Variants in CDH3 observed in about 807,000 individuals in gnomAD.
CDH3 encodes the protein cadherin-3.
A neutral mutation model predicts 82.0 loss-of-function variants in CDH3; 54 were observed. The ratio of observed to expected loss-of-function variants is 0.66; its 90% CI spans 0.53 to 0.83. The LOEUF is 0.83. Among genes scored for constraint, CDH3 ranks in the 40% least tolerant of loss-of-function variants. The pLI is 0.00. For synonymous variants in CDH3, 446 were observed against 437.9 expected, an observed-to-expected ratio of 1.02 and a Z score of -0.23; for missense variants, 1,054 against 1,084.6, an observed-to-expected ratio of 0.97 and a Z score of 0.40.
chr16:68,673,335 G>A (rs552327584), intron 2 of CDH3, among the ~76,000 whole-genome samples: 9 of 152,242 alleles, frequency 5.9e-5, no homozygotes, highest in African/African-American at 2.2e-4. Flanking sequence ...GTAGCACTAA[G>A]TACATCCACA....
chr16:68,675,873 T>A (rs1405120950), intron 2 of CDH3, among the ~76,000 whole-genome samples: 1 of 151,864 alleles, frequency 6.6e-6, no homozygotes, highest in African/African-American at 2.4e-5. Flanking sequence ...GAAATTCACC[T>A]CCAGCTGGTG....
At chr16:68,680,277 A>G (rs547280765) in intron 7 of CDH3, among the ~76,000 whole-genome samples, 4 of 152,364 alleles carry the variant, frequency 2.6e-5, no homozygotes, top group African/African-American at 7.2e-5. Flanking sequence ...TAGTGTGCAC[A>G]TTACCCAAAT....
chr16:68,673,109 G>C (rs1404189039), intron 2 of CDH3, among the ~76,000 whole-genome samples: 1 of 152,126 alleles, frequency 6.6e-6, no homozygotes, highest in Non-Finnish European at 1.5e-5. Flanking sequence ...GTGCTGTTAT[G>C]AACATTATAA....
intron 2 of CDH3, among the ~76,000 whole-genome samples, chr16:68,659,498 C>T (rs1287687215): frequency 6.6e-6 from 1 of 151,710 alleles, no homozygotes; most frequent in Non-Finnish European, 1.5e-5. Context: ...TCGCTTGAAC[C>T]TGGGAGATGG....
At chr16:68,718,355 C>T (rs867776026) in intron 1 of CDH3, among the ~76,000 whole-genome samples, 3 of 151,944 alleles carry the variant, frequency 2.0e-5, no homozygotes, top group South Asian at 2.1e-4. Context: ...GTTATAGCAA[C>T]GTAAAACAGA....
chr16:68,687,786 G>C (rs1203712048), intron 12 of CDH3, 50 bp downstream of exon 12: 2 of 1,342,440 alleles, frequency 1.5e-6, no homozygotes, highest in Non-Finnish European at 2.1e-6. Flanking sequence ...CCACTGGTGG[G>C]CATCTGCCCC....
intron 9 of CDH3, among the ~76,000 whole-genome samples, chr16:68,682,793 G>A (rs1021818581): frequency 3.3e-5 from 5 of 152,176 alleles, no homozygotes; most frequent in African/African-American, 1.2e-4. Context: ...CCATCTTATT[G>A]AAATCCATGT....
intron 12 of CDH3, among the ~76,000 whole-genome samples, chr16:68,689,823 G>C (rs1961515601): frequency 1.3e-5 from 2 of 151,614 alleles, no homozygotes; most frequent in Non-Finnish European, 2.9e-5. Flanking sequence ...GCTGAGATAG[G>C]CTGACAACCC....
At chr16:68,647,931 G>T (rs1960124586) in intron 2 of CDH3, among the ~76,000 whole-genome samples, 1 of 152,084 alleles carries the variant, frequency 6.6e-6, no homozygotes, top group African/African-American at 2.4e-5. Context: ...TTCGCCCCTG[G>T]GTTATGAATA....
At chr16:68,651,004 G>A in intron 2 of CDH3, 1 of 330,784 alleles carries the variant, frequency 3.0e-6, no homozygotes. Context: ...GAGACGATGT[G>A]GGGAGAGAGC....
At chr16:68,655,936 T>C (rs756913065) in intron 2 of CDH3, among the ~76,000 whole-genome samples, 2 of 152,104 alleles carry the variant, frequency 1.3e-5, no homozygotes, top group Non-Finnish European at 2.9e-5. Flanking sequence ...GCTGCTGACA[T>C]GTTCTTGGAG....
At chr16:68,653,645 A>G (rs1161498808) in intron 2 of CDH3, among the ~76,000 whole-genome samples, 10 of 151,508 alleles carry the variant, frequency 6.6e-5, no homozygotes, top group Non-Finnish European at 1.5e-4. Context: ...AAAAGTAGAA[A>G]GGGAATCTGG....
chr16:68,681,211 C>CT (rs1305904178), intron 8 of CDH3, 115 bp downstream of exon 8: 10 of 1,166,124 alleles, frequency 8.6e-6, no homozygotes, highest in African/African-American at 1.5e-5. Context: ...AGCACTATGG[C>CT]TGTGTGACCT....
At chr16:68,714,868 G>T (rs11641081) in intron 1 of CDH3, among the ~76,000 whole-genome samples, 84,455 of 151,762 alleles carry the variant, frequency 0.56, 23,830 homozygotes, top group Middle Eastern at 0.62. Context: ...AATTAGCCAG[G>T]CATGGTGGCC....
chr16:68,652,233 G>A (rs570104612), intron 2 of CDH3, among the ~76,000 whole-genome samples: 2 of 152,092 alleles, frequency 1.3e-5, no homozygotes, highest in East Asian at 3.9e-4. Context: ...CTAGCAGGCC[G>A]CTTTCCTGGC....
At chr16:68,708,139 C>A (rs867870658) in intron 1 of CDH3, among the ~76,000 whole-genome samples, 1 of 152,006 alleles carries the variant, frequency 6.6e-6, no homozygotes, top group Non-Finnish European at 1.5e-5. Context: ...ACCAGCCTGG[C>A]CAACAAGGTG....
At chr16:68,645,959 T>A in intron 2 of CDH3, 1 of 582,360 alleles carries the variant, frequency 1.7e-6, no homozygotes, top group Non-Finnish European at 3.1e-6. Flanking sequence ...TCCAGCCCCT[T>A]GTCCGGTAGC....
intron 2 of CDH3, among the ~76,000 whole-genome samples, chr16:68,663,023 C>T (rs1309624017): frequency 6.6e-6 from 1 of 150,792 alleles, no homozygotes; most frequent in African/African-American, 2.4e-5. Flanking sequence ...TGCCTGCCAC[C>T]ACACCCAGCT....
chr16:68,675,281 C>T (rs1960998292), intron 2 of CDH3, among the ~76,000 whole-genome samples: 2 of 152,122 alleles, frequency 1.3e-5, no homozygotes, highest in Non-Finnish European at 1.5e-5. Flanking sequence ...TATGGACAGG[C>T]GTGGGGCCGT....
Sources: allele counts gnomAD v4.1 joint callset (sites outside exome capture counted in the v4.1 genomes callset), GRCh38; gene constraint gnomAD v4.1.1; transcripts MANE v1.5; gene names NCBI Gene and HGNC (gene_info 2026-07-23, HGNC 2026-07-21).